The following ARRDC5 variants were observed in gnomAD, a reference collection of about 807,000 sequenced individuals.
The protein encoded by ARRDC5 is arrestin domain containing 5, also known as arrestin domain-containing protein 5.
ARRDC5 carries 12 observed loss-of-function variants against 13.3 expected under a neutral mutation model. The ratio of observed to expected loss-of-function variants is 0.90; its 90% confidence interval spans 0.58 to 1.46. The LOEUF is 1.46. Among genes scored for constraint, ARRDC5 ranks in the 40% most tolerant of loss-of-function variants. ARRDC5 has a pLI of 0.00. For synonymous variants in ARRDC5, 181 were observed against 173.4 expected (o/e 1.04, Z -0.34); for missense variants, 406 against 418.7 (o/e 0.97, Z 0.26).
chr19:4,913,829 TG>T, the ARRDC5 span, among the ~76,000 whole-genome samples: 3,872 of 68,642 alleles, frequency 0.056, 244 homozygotes, highest in African/African-American at 0.21. Context: ...TTTTTTTTTT[TG>T]GAGACAGTTT....
intron 2 of ARRDC5, among the ~76,000 whole-genome samples, chr19:4,896,346 A>ATTTTTT (rs2031718855): frequency 1.4e-5 from 1 of 72,128 alleles, no homozygotes; most frequent in African/African-American, 8.2e-5. Context: ...ATATATATAT[A>ATTTTTT]TATTTTTTTT....
In ARRDC5 at chr19:4,896,651, C is replaced by T. The variant is rs754492068; in HGVS notation, c.459+20G>A. Reference sequence around the variant, plus strand: ...GGAGCTTGGAGATTGTTCCCACCTCCACCTTTCCCCCATCGGTACCTGGAA... The same window carrying T: ...GGAGCTTGGAGATTGTTCCCACCTCTACCTTTCCCCCATCGGTACCTGGAA... On this transcript the variant is annotated intron_variant, in intron 2 of 2. Coordinates refer to ENST00000650722, the MANE Select transcript of ARRDC5 (RefSeq NM_001080523.3). 1 of 1,587,710 alleles carries T rather than the reference C, an allele frequency of 6.3e-7. No homozygotes were observed. Among genetic ancestry groups the T allele is most frequent in the South Asian group, 1.1e-5 (1 of 90,378 alleles).
At chr19:4,905,674 C>T (rs1472675705), upstream of ARRDC5, among the ~76,000 whole-genome samples, 3 of 151,998 alleles carry the variant, frequency 2.0e-5, no homozygotes, top group Admixed American at 6.6e-5. Context: ...CGTGCCACCA[C>T]ATCTGGCTAA....
intron 2 of ARRDC5, among the ~76,000 whole-genome samples, chr19:4,896,361 TACA>T (rs2031729337): frequency 5.9e-5 from 5 of 84,986 alleles, no homozygotes; most frequent in African/African-American, 2.2e-4. Flanking sequence ...TTTTTTTTTT[TACA>T]CACACACACA....
intron 1 of ARRDC5, 27 bp from the exon 2 acceptor site, chr19:4,896,903 C>T (rs925163580): frequency 2.6e-6 from 4 of 1,529,642 alleles, no homozygotes; most frequent in Non-Finnish European, 2.7e-6. Flanking sequence ...CCGATGCCAT[C>T]AGAAGGTTCT....
chr19:4,901,696 G>C (rs921355236), intron 1 of ARRDC5, among the ~76,000 whole-genome samples: 3 of 152,090 alleles, frequency 2.0e-5, no homozygotes, highest in African/African-American at 7.2e-5. Flanking sequence ...GTTCAGCCAA[G>C]TGTTGGCCAC....
chr19:4,912,243 G>A, the ARRDC5 span, among the ~76,000 whole-genome samples: 1 of 152,198 alleles, frequency 6.6e-6, no homozygotes, highest in Non-Finnish European at 1.5e-5. Flanking sequence ...GGCCGGGCTC[G>A]ACAGAGGAGC....
At chr19:4,907,420 C>T (rs1436998360), upstream of ARRDC5, among the ~76,000 whole-genome samples, 1 of 152,136 alleles carries the variant, frequency 6.6e-6, no homozygotes, top group Non-Finnish European at 1.5e-5. Context: ...AGGCGCCGGC[C>T]ACCACACCTG....
chr19:4,911,627 C>G, the ARRDC5 span, among the ~76,000 whole-genome samples: 1 of 152,158 alleles, frequency 6.6e-6, no homozygotes, highest in Non-Finnish European at 1.5e-5. Flanking sequence ...GTCCACCGAC[C>G]CTCGTCTCTT....
intron 1 of ARRDC5, among the ~76,000 whole-genome samples, chr19:4,898,752 A>T (rs2031816014): frequency 7.1e-6 from 1 of 141,818 alleles, no homozygotes; most frequent in South Asian, 2.2e-4. Context: ...TCAGCGCCCC[A>T]AGTAGCTGGG....
At chr19:4,915,516 A>G in the ARRDC5 span, among the ~76,000 whole-genome samples, 1 of 152,140 alleles carries the variant, frequency 6.6e-6, no homozygotes, top group Non-Finnish European at 1.5e-5. Flanking sequence ...GAGTTCTAGA[A>G]CAGCGTGCCA....
chr19:4,894,303 A>C (rs2031624929), intron 2 of ARRDC5, among the ~76,000 whole-genome samples: 1 of 150,624 alleles, frequency 6.6e-6, no homozygotes, highest in African/African-American at 2.4e-5. Context: ...CAAGGTCAGG[A>C]GATCGAGACC....
chr19:4,895,567 C>A (rs2031684318), intron 2 of ARRDC5, among the ~76,000 whole-genome samples: 1 of 152,092 alleles, frequency 6.6e-6, no homozygotes, highest in African/African-American at 2.4e-5. Flanking sequence ...TCCCTCCTCC[C>A]ACCTCGACTT....
upstream of ARRDC5, chr19:4,902,899 T>G: frequency 6.2e-7 from 1 of 1,606,978 alleles, no homozygotes. Context: ...TTGGCCCTAG[T>G]GAGGTAATCC....
At chr19:4,900,419 G>T (rs568098250) in intron 1 of ARRDC5, among the ~76,000 whole-genome samples, 1 of 152,162 alleles carries the variant, frequency 6.6e-6, no homozygotes, top group Admixed American at 6.6e-5. Context: ...TGCCTGGCCA[G>T]AAATAGCAAT....
At chr19:4,912,532 G>C in the ARRDC5 span, among the ~76,000 whole-genome samples, 2 of 152,114 alleles carry the variant, frequency 1.3e-5, no homozygotes, top group Non-Finnish European at 2.9e-5. Flanking sequence ...AACCATGCAG[G>C]AATGGGAAAA....
At chr19:4,905,604 G>A (rs1456488470), upstream of ARRDC5, among the ~76,000 whole-genome samples, 8 of 151,748 alleles carry the variant, frequency 5.3e-5, no homozygotes, top group South Asian at 6.3e-4. Flanking sequence ...TGTAACCTCC[G>A]CCTCCTGGGT....
intron 1 of ARRDC5, among the ~76,000 whole-genome samples, chr19:4,898,372 G>GT (rs1396232408): frequency 2.6e-5 from 4 of 151,406 alleles, no homozygotes; most frequent in East Asian, 1.9e-4. Flanking sequence ...TTTCTTTTTT[G>GT]TTTTTTTGAG....
At chr19:4,901,797 TC>T in intron 1 of ARRDC5, among the ~76,000 whole-genome samples, 1 of 152,216 alleles carries the variant, frequency 6.6e-6, no homozygotes, top group Middle Eastern at 3.4e-3. Flanking sequence ...CAGCAGACTC[TC>T]TGACATTTGT....
Sources: gnomAD v4.1 joint callset for allele counts (sites outside exome capture counted in the v4.1 genomes callset) on GRCh38, gnomAD v4.1.1 for gene constraint, MANE v1.5 for transcripts, NCBI Gene and HGNC (gene_info 2026-07-23, HGNC 2026-07-21) for gene names.